Variants in ZNF727 observed in about 807,000 individuals in gnomAD.
ZNF727 encodes the protein putative zinc finger protein 727.
In ZNF727, 11 loss-of-function variants were observed where a neutral mutation model predicts 11.5. That is an observed-to-expected ratio of 0.95 (90% confidence interval 0.60 to 1.58). ZNF727 has a LOEUF of 1.58. ZNF727 is among the 40% of genes most tolerant of loss of function. The probability of loss-of-function intolerance (pLI) is 0.00; values close to 1 mark genes in which losing one functional copy is unlikely to be tolerated. For missense variants in ZNF727, 533 were observed against 581.7 expected (o/e 0.92, Z 0.86); for synonymous variants, 171 against 196.1 (o/e 0.87, Z 1.07).
At chr7:64,061,692 T>C (rs933734464) in intron 1 of ZNF727, among the ~76,000 whole-genome samples, 24 of 151,962 alleles carry the variant, frequency 1.6e-4, no homozygotes, top group African/African-American at 5.6e-4. Context: ...TTATTATTAA[T>C]AAATAAAGAC....
At chr7:64,049,294 T>C (rs1419434874) in intron 1 of ZNF727, among the ~76,000 whole-genome samples, 2 of 152,090 alleles carry the variant, frequency 1.3e-5, no homozygotes, top group Non-Finnish European at 2.9e-5. Context: ...CCATTGAATT[T>C]ACCTCATTTT....
chr7:64,078,114 T>G lies in ZNF727; in HGVS notation c.1065T>G (p.Leu355=). ...CGKAFTYSST[L]ISHKRIHMEL... is the part of the protein sequence containing the mutation. ...AAGCCTTTACCTACTCCTCAACCCT[T>G]ATTAGCCACAAGAGAATTCATATGG... Residue 355 remains leucine, a synonymous_variant, in exon 4 of 4, where the codon CTT becomes CTG. Transcript: ENST00000456806. 6.2e-7 allele frequency: 1 copy of G among 1,607,268 alleles called. No homozygotes were observed. The highest frequency in any genetic ancestry group is 8.5e-7 in the Non-Finnish European group (1 of 1,176,582).
chr7:64,071,792 T>C (rs984673473), intron 3 of ZNF727, among the ~76,000 whole-genome samples: 1 of 152,110 alleles, frequency 6.6e-6, no homozygotes, highest in Non-Finnish European at 1.5e-5. Context: ...AATTTTATTC[T>C]TTTACTTCTG....
At chr7:64,072,298 C>T (rs1342143452) in intron 3 of ZNF727, among the ~76,000 whole-genome samples, 1 of 151,880 alleles carries the variant, frequency 6.6e-6, no homozygotes, top group Non-Finnish European at 1.5e-5. Context: ...GTGGAGTTTG[C>T]CTTTAGTGAG....
chr7:64,077,862 T>C lies in ZNF727; in HGVS notation c.813T>C (p.Leu271=), dbSNP rs767435503. 3.8e-6 allele frequency: 6 copies of C among 1,569,950 alleles called. No homozygotes were observed. In the South Asian group the frequency reaches 7.0e-5, roughly 18 times the overall value. ...AAGCCTTTAGGTGTTGCTCAGACCT[T>C]ACTAAACATAAGAGAATTCATACTG... ...CHKAFRCCSD[L]TKHKRIHTGE... The change falls in exon 4 of 4, where the codon CTT becomes CTC. Residue 271 remains leucine (L), a synonymous_variant. Transcript: ENST00000456806.
In ZNF727 at chr7:64,082,875, C is replaced by T. The variant is rs557623142; in HGVS notation, c.*4326C>T. Among the ~76,000 whole-genome samples the T allele has an allele frequency of 5.0e-5, 5 of 100,668 alleles. No homozygotes were observed. In the South Asian group the frequency reaches 9.2e-4, roughly 19 times the overall value. 66.0% of individuals were successfully genotyped at this position (100,668 alleles called of 152,430 possible). A position where few individuals can be genotyped will look rare whatever the true frequency, so the allele number is the denominator to read the frequency against. ...CCAGCCTGGTGAGAGAGCGAGACTC[C>T]GTCTCAAAAAAAAAAAAGAAAGAAT... On this transcript the variant is annotated 3_prime_UTR_variant, in exon 4 of 4. Transcript: ENST00000456806.
At chr7:64,062,453 A>G (rs1305109035) in intron 1 of ZNF727, among the ~76,000 whole-genome samples, 1 of 151,554 alleles carries the variant, frequency 6.6e-6, no homozygotes, top group African/African-American at 2.4e-5. Flanking sequence ...CTAGGATAAA[A>G]GTTTTTTCCT....
At chr7:64,073,701 A>G (rs533385029) in intron 3 of ZNF727, among the ~76,000 whole-genome samples, 45 of 152,240 alleles carry the variant, frequency 3.0e-4, no homozygotes, top group African/African-American at 1.1e-3. Flanking sequence ...GGGCCGGGCT[A>G]TAGATTTTCA....
chr7:64,066,413 T>C (rs1789870206), intron 1 of ZNF727, among the ~76,000 whole-genome samples: 1 of 152,170 alleles, frequency 6.6e-6, no homozygotes, highest in African/African-American at 2.4e-5. Flanking sequence ...TCTACAAGGC[T>C]ACAGTAACCA....
intron 3 of ZNF727, among the ~76,000 whole-genome samples, chr7:64,074,981 C>G (rs75159674): frequency 0.028 from 4,322 of 151,944 alleles, 203 homozygotes; most frequent in East Asian, 0.18. Context: ...TTGCTGTATA[C>G]CAACTATGCC....
chr7:64,062,867 CTTCTGCTTGATCAG>C, intron 1 of ZNF727, among the ~76,000 whole-genome samples: 1 of 149,610 alleles, frequency 6.7e-6, no homozygotes, highest in East Asian at 2.0e-4. Flanking sequence ...CTAATTCTTT[CTTCTGCTTGATCAG>C]TTCTGCTGTT....
intron 1 of ZNF727, among the ~76,000 whole-genome samples, chr7:64,059,652 A>G (rs1789740395): frequency 1.3e-5 from 2 of 152,182 alleles, no homozygotes; most frequent in African/African-American, 4.8e-5. Context: ...ATTGTACCCA[A>G]TGCCACTCCT....
At position 64,045,527 on chromosome 7, in the gene ZNF727, C is replaced by T; in HGVS notation, c.-95C>T. 6.7e-7 allele frequency: 1 copy of T among 1,499,168 alleles called. No homozygotes were observed. Among genetic ancestry groups the T allele is most frequent in the Non-Finnish European group, 9.1e-7 (1 of 1,099,246 alleles). The allele number at this position is 1,499,168 out of a possible 1,614,324, so 92.9% of individuals were successfully genotyped here. A position where few individuals can be genotyped will look rare whatever the true frequency, so the allele number is the denominator to read the frequency against. ...TATTCCATCTCTTCCGCTCCATTAGCTCCTCGGTGACTCCACCATAGCCCC... is the reference window on the plus strand; with the variant it reads ...TATTCCATCTCTTCCGCTCCATTAGTTCCTCGGTGACTCCACCATAGCCCC... On this transcript the variant is annotated 5_prime_UTR_variant, in exon 1 of 4. Coordinates refer to ENST00000456806, the MANE Select transcript of ZNF727 (RefSeq NM_001159522.3).
At chr7:64,058,115 G>A (rs188645380) in intron 1 of ZNF727, among the ~76,000 whole-genome samples, 2 of 152,286 alleles carry the variant, frequency 1.3e-5, no homozygotes, top group Admixed American at 1.3e-4. Flanking sequence ...CAGAAGCCAA[G>A]GACATGTGCG....
chr7:64,059,029 C>A (rs1789730296), intron 1 of ZNF727, among the ~76,000 whole-genome samples: 1 of 151,638 alleles, frequency 6.6e-6, no homozygotes, highest in African/African-American at 2.4e-5. Context: ...ACTGCAACCT[C>A]CGCCTCCCGG....
At chr7:64,073,307 GT>G (rs1202867439) in intron 3 of ZNF727, among the ~76,000 whole-genome samples, 171 of 77,474 alleles carry the variant, frequency 2.2e-3, no homozygotes, top group Non-Finnish European at 4.0e-3. Flanking sequence ...AATTTTTTGT[GT>G]GTTTTTTTTT....
chr7:64,084,810 G>A lies in ZNF727; in HGVS notation c.*6261G>A, dbSNP rs1785849023. Among the ~76,000 whole-genome samples the A allele has an allele frequency of 6.6e-6, 1 of 152,036 alleles. No homozygotes were observed. The highest frequency in any genetic ancestry group is 2.4e-5 in the African/African-American group (1 of 41,414). Reference sequence around the variant, plus strand: ...ACTTTAAGTGTAACAGATTTATAGAGAAAATATTCGTATTTGTTTATGGTT... The same window carrying A: ...ACTTTAAGTGTAACAGATTTATAGAAAAAATATTCGTATTTGTTTATGGTT... On this transcript the variant is annotated 3_prime_UTR_variant, in exon 4 of 4. Transcript: ENST00000456806.
intron 1 of ZNF727, 149 bp downstream of exon 1, chr7:64,045,773 C>G: frequency 9.5e-7 from 1 of 1,052,280 alleles, no homozygotes; most frequent in East Asian, 2.6e-5. Context: ...TTCCCTCCGT[C>G]GCAGATTAGG....
At chr7:64,050,258 A>T (rs1789572792) in intron 1 of ZNF727, among the ~76,000 whole-genome samples, 1 of 152,098 alleles carries the variant, frequency 6.6e-6, no homozygotes, top group Admixed American at 6.6e-5. Flanking sequence ...AAACACATTT[A>T]TAGACATATA....
Sources: gnomAD v4.1 joint callset for allele counts (sites outside exome capture counted in the v4.1 genomes callset) on GRCh38, gnomAD v4.1.1 for gene constraint, MANE v1.5 for transcripts, NCBI Gene and HGNC (gene_info 2026-07-23, HGNC 2026-07-21) for gene names.